Variants in UBE3D observed in about 807,000 individuals in gnomAD.
The protein encoded by UBE3D is ubiquitin protein ligase E3D.
In UBE3D, 48 loss-of-function variants were observed where a neutral mutation model predicts 49.6. That is an observed-to-expected ratio of 0.97 (90% CI 0.77 to 1.23). The LOEUF (loss-of-function observed/expected upper bound fraction) is 1.23. UBE3D is among the 50% of genes most tolerant of loss of function. The pLI is 0.00. For synonymous variants in UBE3D, 189 were observed against 174.2 expected (o/e 1.08, Z -0.67); for missense variants, 452 against 468.4 (o/e 0.96, Z 0.32).
chr6:83,058,064 A>G (rs1368865117), intron 1 of UBE3D, 42 bp from the exon 2 acceptor site: 3 of 1,597,340 alleles, frequency 1.9e-6, no homozygotes, highest in Non-Finnish European at 1.7e-6. Flanking sequence ...ATTTCTCACA[A>G]TGAAAACCAC....
intron 4 of UBE3D, among the ~76,000 whole-genome samples, chr6:83,039,824 A>G (rs1782528829): frequency 6.6e-6 from 1 of 151,930 alleles, no homozygotes; most frequent in South Asian, 2.1e-4. Context: ...TTGTAGTTAT[A>G]GTAGAGATGG....
chr6:82,984,109 A>T (rs1474914051), intron 8 of UBE3D, among the ~76,000 whole-genome samples: 1 of 152,174 alleles, frequency 6.6e-6, no homozygotes, highest in African/African-American at 2.4e-5. Flanking sequence ...AACTTTATTT[A>T]AATCTTAGTT....
In UBE3D at chr6:83,018,985, C is replaced by T. The variant is rs1313308837; in HGVS notation, c.998G>A (p.Ser333Asn). 1 of 1,612,404 alleles carries T rather than the reference C, an allele frequency of 6.2e-7. No individual in the cohort carries two copies. Among genetic ancestry groups the T allele is most frequent in the Admixed American group, 1.7e-5 (1 of 59,534 alleles). ...ATGCACAACTTACTTTTCATTCCTG[C>T]TTTTGATGCATGGCTGGTAGAGGAC... is the stretch of plus-strand genomic sequence containing the variant. ...VKVLYQPCIK[S>N]RNEKLVSLWE... The change falls in exon 8 of 10, where the codon AGC becomes AAC. Residue 333 changes from serine (S) to asparagine (N), a missense_variant. Ser to Asn is a conservative substitution (Grantham distance 46, BLOSUM62 1). Transcript: ENST00000369747.
At chr6:83,050,382 C>G (rs1783394200) in intron 3 of UBE3D, among the ~76,000 whole-genome samples, 1 of 152,118 alleles carries the variant, frequency 6.6e-6, no homozygotes, top group Non-Finnish European at 1.5e-5. Flanking sequence ...ACAGGTTTAT[C>G]TAATCCAACG....
At chr6:83,015,776 G>A (rs541707051) in intron 8 of UBE3D, among the ~76,000 whole-genome samples, 3 of 152,202 alleles carry the variant, frequency 2.0e-5, no homozygotes, top group Admixed American at 2.0e-4. Context: ...CCTCAGGGGA[G>A]GCCATAAGGG....
intron 5 of UBE3D, 32 bp downstream of exon 5, chr6:83,038,384 A>G (rs1023912794): frequency 1.3e-6 from 2 of 1,564,326 alleles, no homozygotes; most frequent in Non-Finnish European, 8.8e-7. Flanking sequence ...CAAGAAGCCA[A>G]TCATTTTGGC....
chr6:83,043,921 G>A (rs1782846377), intron 4 of UBE3D, among the ~76,000 whole-genome samples: 1 of 152,108 alleles, frequency 6.6e-6, no homozygotes, highest in Admixed American at 6.6e-5. Context: ...CACCAACTCA[G>A]ACCCTGAAAC....
chr6:82,990,747 G>A (rs1778828823), intron 8 of UBE3D, among the ~76,000 whole-genome samples: 1 of 152,062 alleles, frequency 6.6e-6, no homozygotes, highest in African/African-American at 2.4e-5. Context: ...CGCAACATAT[G>A]GATTCAGTAA....
chr6:82,974,840 G>GTCATCTTCTGAA (rs1777605505), intron 8 of UBE3D, among the ~76,000 whole-genome samples: 1 of 151,754 alleles, frequency 6.6e-6, no homozygotes, highest in East Asian at 1.9e-4. Flanking sequence ...TTAAAACACT[G>GTCATCTTCTGAA]TCATCCTCTG....
At chr6:83,032,929 T>C (rs1781984446) in intron 5 of UBE3D, among the ~76,000 whole-genome samples, 1 of 152,218 alleles carries the variant, frequency 6.6e-6, no homozygotes, top group African/African-American at 2.4e-5. Context: ...TCCCCAGTCA[T>C]GTGATACTGT....
At chr6:82,920,871 C>A (rs904341210) in intron 9 of UBE3D, among the ~76,000 whole-genome samples, 1 of 151,958 alleles carries the variant, frequency 6.6e-6, no homozygotes, top group Non-Finnish European at 1.5e-5. Context: ...AAAGATTTAA[C>A]GCCCATTTTT....
At chr6:82,993,556 A>G (rs1166242300) in intron 8 of UBE3D, among the ~76,000 whole-genome samples, 1 of 152,202 alleles carries the variant, frequency 6.6e-6, no homozygotes, top group East Asian at 1.9e-4. Flanking sequence ...ATGCCTACAC[A>G]TCACTTCATT....
chr6:83,030,344 T>C (rs953798116), intron 5 of UBE3D, among the ~76,000 whole-genome samples: 3 of 152,302 alleles, frequency 2.0e-5, no homozygotes, highest in African/African-American at 7.2e-5. Flanking sequence ...GGCATGTTTT[T>C]CCCATATCAT....
At chr6:82,895,499 A>G (rs1394279158) in intron 9 of UBE3D, among the ~76,000 whole-genome samples, 1 of 152,152 alleles carries the variant, frequency 6.6e-6, no homozygotes, top group Non-Finnish European at 1.5e-5. Flanking sequence ...CCTACAATGT[A>G]GAGAGCCCCT....
chr6:83,033,257 G>T (rs1782007859), intron 5 of UBE3D, among the ~76,000 whole-genome samples: 1 of 152,036 alleles, frequency 6.6e-6, no homozygotes, highest in Non-Finnish European at 1.5e-5. Flanking sequence ...ATTCATGAGG[G>T]ATCTGCCCCC....
chr6:83,050,101 A>G (rs1180452955), intron 3 of UBE3D, among the ~76,000 whole-genome samples: 1 of 152,182 alleles, frequency 6.6e-6, no homozygotes, highest in African/African-American at 2.4e-5. Flanking sequence ...AGAACATGTG[A>G]CCTTAAATTA....
the UBE3D span, among the ~76,000 whole-genome samples, chr6:82,886,051 T>C: frequency 6.6e-3 from 999 of 152,244 alleles, 10 homozygotes; most frequent in African/African-American, 0.023. Context: ...TCTTGTGTGT[T>C]TTTTCTCACC....
intron 8 of UBE3D, among the ~76,000 whole-genome samples, chr6:82,990,749 A>T (rs985042660): frequency 6.6e-6 from 1 of 152,102 alleles, no homozygotes; most frequent in Admixed American, 6.6e-5. Flanking sequence ...CAACATATGG[A>T]TTCAGTAATG....
the UBE3D span, among the ~76,000 whole-genome samples, chr6:82,881,361 A>G: frequency 6.6e-6 from 1 of 152,196 alleles, no homozygotes; most frequent in Non-Finnish European, 1.5e-5. Flanking sequence ...GAAGCAGAGC[A>G]GAAGCAGTCA....
Sources: gnomAD v4.1 joint callset for allele counts (sites outside exome capture counted in the v4.1 genomes callset) on GRCh38, gnomAD v4.1.1 for gene constraint, MANE v1.5 for transcripts, NCBI Gene and HGNC (gene_info 2026-07-23, HGNC 2026-07-21) for gene names.